Variants in TOR3A observed in about 807,000 individuals in gnomAD.
The protein encoded by TOR3A is torsin family 3 member A, also known as torsin-3A.
Under a neutral mutation model 42.1 loss-of-function variants are expected in TOR3A, and 44 were observed. The observed-to-expected ratio is 1.04, with a 90% CI of 0.82 to 1.34. The LOEUF is 1.34. TOR3A is among the 40% of genes most tolerant of loss of function. TOR3A has a pLI of 0.00. For missense variants in TOR3A, 521 were observed against 507.6 expected (o/e 1.03, Z -0.25); for synonymous variants, 227 against 213.2 (o/e 1.06, Z -0.57).
chr1:179,095,250 T>G lies in TOR3A; in HGVS notation c.*32T>G, dbSNP rs1446978746. ...GAGGAAGACTTCCTGGAACTGCCTT[T>G]CTTCCACTAACAGGACCCTGGGACC... is the stretch of plus-strand genomic sequence containing the variant. On this transcript the variant is annotated 3_prime_UTR_variant, in exon 6 of 6. Transcript: ENST00000367627. 1.2e-6 allele frequency: 2 copies of G among 1,611,794 alleles called. No homozygotes were observed. Among genetic ancestry groups the G allele is most frequent in the East Asian group, 4.5e-5 (2 of 44,868 alleles).
In TOR3A at chr1:179,095,437, A is replaced by AACTT; in HGVS notation, c.*220_*223dup. On this transcript the variant is annotated 3_prime_UTR_variant, in exon 6 of 6. Transcript: ENST00000367627. Reference sequence around the variant, plus strand: ...TGGAGGTCCCACCGAGATAGATAGGAACTTGGATTGCTGAATTCAAAAACA... The same window carrying AACTT: ...TGGAGGTCCCACCGAGATAGATAGGAACTTACTTGGATTGCTGAATTCAAAAACA... 28 of 1,349,234 alleles carry AACTT rather than the reference A, an allele frequency of 2.1e-5. No individual in the cohort carries two copies. The highest frequency in any genetic ancestry group is 2.6e-5 in the Non-Finnish European group (27 of 1,043,120). The allele number at this position is 1,349,234 out of a possible 1,614,324, so 83.6% of individuals were successfully genotyped here. A position where few individuals can be genotyped will look rare whatever the true frequency, so the allele number is the denominator to read the frequency against.
At chr1:179,082,635 C>T in intron 1 of TOR3A, 1 of 711,574 alleles carries the variant, frequency 1.4e-6, no homozygotes, top group South Asian at 1.5e-5. Context: ...CTCCCCTGAT[C>T]CCTGCGCTTT....
At chr1:179,086,013 A>T (rs1572573485) in intron 3 of TOR3A, 120 bp downstream of exon 3, 1 of 1,291,278 alleles carries the variant, frequency 7.7e-7, no homozygotes, top group Non-Finnish European at 1.1e-6. Flanking sequence ...AGGTGGCAGA[A>T]CCTGTGACAG....
At chr1:179,085,465 C>CTACA (rs1652405131) in intron 2 of TOR3A, 163 bp from the exon 3 acceptor site, 1 of 786,836 alleles carries the variant, frequency 1.3e-6, no homozygotes, top group Non-Finnish European at 2.1e-6. Context: ...ATCCCTTCTG[C>CTACA]TACAAAGTCT....
intron 4 of TOR3A, chr1:179,091,722 T>TATCA (rs1256792706): frequency 6.6e-6 from 1 of 152,072 alleles, no homozygotes; most frequent in East Asian, 1.9e-4. Flanking sequence ...GGTGAGGGAG[T>TATCA]ATCACTCTGT....
At chr1:179,083,557 T>C (rs1207403872) in intron 2 of TOR3A, among the ~76,000 whole-genome samples, 2 of 126,796 alleles carry the variant, frequency 1.6e-5, no homozygotes, top group African/African-American at 6.1e-5. Context: ...CACGTCCGGC[T>C]AATTTCTGTA....
chr1:179,095,443 G>A lies in TOR3A; in HGVS notation c.*225G>A. ...TCCCACCGAGATAGATAGGAACTTG[G>A]ATTGCTGAATTCAAAAACAGAGCCC... On this transcript the variant is annotated 3_prime_UTR_variant, in exon 6 of 6. Transcript: ENST00000367627. 1 of 1,384,274 alleles carries A rather than the reference G, an allele frequency of 7.2e-7. No individual in the cohort carries two copies. Among genetic ancestry groups the A allele is most frequent in the Non-Finnish European group, 9.3e-7 (1 of 1,071,966 alleles). 85.7% of individuals were successfully genotyped at this position (1,384,274 alleles called of 1,614,324 possible). A position where few individuals can be genotyped will look rare whatever the true frequency, so the allele number is the denominator to read the frequency against.
At position 179,090,119 on chromosome 1, in the gene TOR3A, G is replaced by A. The variant is rs1321320875; in HGVS notation, c.818+2030G>A. Among the ~76,000 whole-genome samples the A allele has an allele frequency of 3.6e-5, 5 of 139,788 alleles. No homozygotes were observed. The South Asian group carries it at 8.1e-4, about 23-fold the overall frequency. The allele number at this position is 139,788 out of a possible 152,430, so 91.7% of individuals were successfully genotyped here. A position where few individuals can be genotyped will look rare whatever the true frequency, so the allele number is the denominator to read the frequency against. ...TGTGGTTGTGGGCGGGGTGGGGGGGGGGGCCTGCGGGAAAGCCGCCTGCCA... is the reference window on the plus strand; with the variant it reads ...TGTGGTTGTGGGCGGGGTGGGGGGGAGGGCCTGCGGGAAAGCCGCCTGCCA... On this transcript the variant is annotated intron_variant, in intron 4 of 5. Coordinates refer to ENST00000367627, the MANE Select transcript of TOR3A (RefSeq NM_022371.4).
intron 3 of TOR3A, among the ~76,000 whole-genome samples, chr1:179,086,665 C>CAA (rs149541470): frequency 9.7e-5 from 12 of 123,788 alleles, no homozygotes; most frequent in Admixed American, 1.7e-4. Flanking sequence ...GACTCCATCT[C>CAA]AAAAAAAAAA....
chr1:179,095,433 T>A lies in TOR3A; in HGVS notation c.*215T>A. ...TTTTTGGAGGTCCCACCGAGATAGA[T>A]AGGAACTTGGATTGCTGAATTCAAA... On this transcript the variant is annotated 3_prime_UTR_variant, in exon 6 of 6. Transcript: ENST00000367627. The A allele has an allele frequency of 7.1e-7, 1 of 1,402,000 alleles. No individual in the cohort carries two copies. Among genetic ancestry groups the A allele is most frequent in the Non-Finnish European group, 9.2e-7 (1 of 1,083,150 alleles). The allele number at this position is 1,402,000 out of a possible 1,614,324, so 86.8% of individuals were successfully genotyped here.
At chr1:179,086,421 C>G (rs957562015) in intron 3 of TOR3A, among the ~76,000 whole-genome samples, 5 of 152,204 alleles carry the variant, frequency 3.3e-5, no homozygotes, top group Non-Finnish European at 7.3e-5. Context: ...AATCCCAGCA[C>G]TTTGGGAAGC....
intron 1 of TOR3A, 134 bp downstream of exon 1, chr1:179,082,521 C>T: frequency 7.4e-7 from 1 of 1,346,020 alleles, no homozygotes; most frequent in Non-Finnish European, 1.0e-6. Flanking sequence ...CCGGTACCGG[C>T]TGTGGGCGGG....
At chr1:179,087,849 C>T in intron 3 of TOR3A, 62 bp from the exon 4 acceptor site, 1 of 1,475,190 alleles carries the variant, frequency 6.8e-7, no homozygotes, top group South Asian at 1.4e-5. Context: ...GGAAACCACG[C>T]CCTCAAGGCC....
At chr1:179,083,506 C>A (rs1652347435) in intron 2 of TOR3A, among the ~76,000 whole-genome samples, 1 of 149,188 alleles carries the variant, frequency 6.7e-6, no homozygotes, top group Non-Finnish European at 1.5e-5. Flanking sequence ...AATTTTCCTG[C>A]CTCAGCCTCC....
chr1:179,094,595 G>A (rs951106967), intron 5 of TOR3A, among the ~76,000 whole-genome samples: 6 of 152,130 alleles, frequency 3.9e-5, no homozygotes, highest in Non-Finnish European at 7.4e-5. Context: ...CCCTTCAGTC[G>A]GGGCCAGGTG....
Position 179,085,776 on chromosome 1 carries a change from C to T in TOR3A, c.522C>T (p.Asn174=), listed in dbSNP as rs1557887120. ...ACGGCTGGTCTGGCACAGGCAAGAA[C>T]TTCGTGGCACGGATGCTGGTGGAGA... is the stretch of plus-strand genomic sequence containing the variant. ...SFHGWSGTGK[N]FVARMLVENL... The change falls in exon 3 of 6, where the codon AAC becomes AAT. Residue 174 remains asparagine, a synonymous_variant. Transcript: ENST00000367627. The T allele has an allele frequency of 6.8e-6, 11 of 1,614,092 alleles. No individual in the cohort carries two copies. The highest frequency in any genetic ancestry group is 8.5e-6 in the Non-Finnish European group (10 of 1,180,060).
Position 179,094,237 on chromosome 1 carries a change from T to G in TOR3A, c.943+20T>G. 1.9e-6 allele frequency: 3 copies of G among 1,602,744 alleles called. No individual in the cohort carries two copies. The highest frequency in any genetic ancestry group is 1.3e-5 in the African/African-American group (1 of 74,400). ...CCATAGGTGAGTAACTGACTCAATA[T>G]GCCTCTGGTGAGAGCCACAGCTGGT... On this transcript the variant is annotated intron_variant, in intron 5 of 5. Transcript: ENST00000367627.
rs751285048 is a variant in TOR3A, at chr1:179,085,800, G to C, written c.546G>C (p.Glu182Asp). The C allele has an allele frequency of 2.8e-5, 45 of 1,614,088 alleles. No individual in the cohort carries two copies. Among genetic ancestry groups the C allele is most frequent in the Admixed American group, 2.5e-4 (15 of 60,010 alleles). ...ACTTCGTGGCACGGATGCTGGTGGA[G>C]AACCTGTATCGGGACGGGCTGATGA... ...GKNFVARMLV[E>D]NLYRDGLMSD... Residue 182 changes from glutamate to aspartate, a missense_variant, in exon 3 of 6, where the codon GAG becomes GAC. Coordinates refer to ENST00000367627, the MANE Select transcript of TOR3A (RefSeq NM_022371.4).
chr1:179,094,850 C>A, intron 5 of TOR3A, 118 bp from the exon 6 acceptor site: 2 of 976,634 alleles, frequency 2.0e-6, no homozygotes, highest in Non-Finnish European at 1.6e-6. Flanking sequence ...TGCACTCCAG[C>A]CTGGTTGACA....
Sources: allele counts gnomAD v4.1 joint callset (sites outside exome capture counted in the v4.1 genomes callset), GRCh38; gene constraint gnomAD v4.1.1; transcripts MANE v1.5; gene names NCBI Gene and HGNC (gene_info 2026-07-23, HGNC 2026-07-21).